PUM1: variants seen among roughly 807,000 people sequenced by gnomAD.
The protein encoded by PUM1 is pumilio homolog 1.
A neutral mutation model predicts 131.8 loss-of-function variants in PUM1; 13 were observed. The ratio of observed to expected loss-of-function variants is 0.10; its 90% CI spans 0.06 to 0.16. The LOEUF (loss-of-function observed/expected upper bound fraction) is 0.16, where lower values mean the gene tolerates loss of function less well. PUM1 is among the 10% of genes least tolerant of loss of function. The pLI is 1.00. For missense variants in PUM1, 961 were observed against 1,512.4 expected (o/e 0.64, Z 6.05); for synonymous variants, 509 against 556.5 (o/e 0.91, Z 1.20).
rs1258913362 is a variant in PUM1 at position 30,953,705 on chromosome 1, A to G, written c.2591+9T>C. On this transcript the variant is annotated intron_variant, in intron 15 of 21. Transcript: ENST00000426105. Reference sequence around the variant, plus strand: ...CGGGTACCTTAAAGTGCCAAAGCCAAGTACTCACCTGGACCCATGCTGGTC... The same window carrying G: ...CGGGTACCTTAAAGTGCCAAAGCCAGGTACTCACCTGGACCCATGCTGGTC... 2 of 1,613,860 alleles carry G rather than the reference A, an allele frequency of 1.2e-6. No homozygotes were observed. The highest frequency in any genetic ancestry group is 2.2e-5 in the East Asian group (1 of 44,876).
chr1:30,968,081 A>G lies in PUM1; in HGVS notation c.1645+273T>C, dbSNP rs572824735. ...GCCACTCCATCTATCCCTGATTCTG[A>G]AACAGAAAACAGATAATCCACCAAG... On this transcript the variant is annotated intron_variant, in intron 11 of 21. Transcript: ENST00000426105. 3 of 566,162 alleles carry G rather than the reference A, an allele frequency of 5.3e-6. No individual in the cohort carries two copies. The Admixed American group carries it at 6.2e-5, about 12-fold the overall frequency. 35.1% of individuals were successfully genotyped at this position (566,162 alleles called of 1,614,324 possible). A position where few individuals can be genotyped will look rare whatever the true frequency, so the allele number is the denominator to read the frequency against.
intron 7 of PUM1, 73 bp downstream of exon 7, chr1:30,992,317 C>CT: frequency 6.4e-6 from 10 of 1,552,274 alleles, no homozygotes; most frequent in Non-Finnish European, 8.7e-6. Flanking sequence ...CCCCCATCCC[C>CT]CCATTCTTAA....
Position 31,059,375 on chromosome 1 carries a change from A to T in PUM1, c.192T>A (p.Pro64=), listed in dbSNP as rs1201924735. 6.2e-7 allele frequency: 1 copy of T among 1,614,142 alleles called. No homozygotes were observed. Among genetic ancestry groups the T allele is most frequent in the Non-Finnish European group, 8.5e-7 (1 of 1,180,020 alleles). The change falls in exon 2 of 22, where the codon CCT becomes CCA. Residue 64 remains proline, a synonymous_variant. Coordinates refer to ENST00000426105, the MANE Select transcript of PUM1 (RefSeq NM_001020658.2). ...QALAAGTHSS[P]VPGSIGVAGR... is the part of the protein sequence containing the mutation. The stretch of plus-strand genomic sequence containing the variant: ...CTGCAACTCCTATAGATCCTGGGAC[A>T]GGGCTGGAGTGAGTCCCAGCTGCAA...
At chr1:31,015,834 T>G (rs910561858) in intron 3 of PUM1, among the ~76,000 whole-genome samples, 35 of 152,052 alleles carry the variant, frequency 2.3e-4, no homozygotes, top group Middle Eastern at 3.4e-3. Context: ...CCACCATACC[T>G]GGCTAATTTT....
rs777219058 is a variant in PUM1 at position 30,967,280 on chromosome 1, T to C, written c.1676A>G (p.Tyr559Cys). The change falls in exon 12 of 22, where the codon TAT (tyrosine) becomes TGT (cysteine). Residue 559 changes from tyrosine (Y) to cysteine (C), a missense_variant. Physicochemically the swap from Tyr to Cys is radical, Grantham distance 194. Around this residue, in one of 4 missense-constraint regions of PUM1, gnomAD observed 654 missense variants for 923.9 expected, o/e 0.71. Coordinates refer to ENST00000426105, the MANE Select transcript of PUM1 (RefSeq NM_001020658.2). The part of the protein sequence containing the change: ...GYPVLAPAAY[Y>C]DQTGALVVNA... ...CACTACAAGGGCACCAGTTTGGTCA[T>C]AGTAAGCAGCAGGAGCCAACACCGG... is the stretch of plus-strand genomic sequence containing the variant. 5 of 1,613,888 alleles carry C rather than the reference T, an allele frequency of 3.1e-6. No homozygotes were observed. The highest frequency in any genetic ancestry group is 1.3e-5 in the African/African-American group (1 of 74,902).
chr1:31,003,682 T>C (rs1409096962), intron 5 of PUM1, among the ~76,000 whole-genome samples: 2 of 152,092 alleles, frequency 1.3e-5, no homozygotes, highest in Admixed American at 6.5e-5. Flanking sequence ...GTTTGAACCC[T>C]GGAAGTGGAG....
chr1:30,960,307 C>T (rs1193616336), intron 14 of PUM1, among the ~76,000 whole-genome samples: 1 of 152,190 alleles, frequency 6.6e-6, no homozygotes, highest in African/African-American at 2.4e-5. Context: ...GCTTTGTTAA[C>T]TTTCAACAAA....
intron 2 of PUM1, among the ~76,000 whole-genome samples, chr1:31,049,597 T>A (rs1050887870): frequency 1.3e-5 from 2 of 151,484 alleles, no homozygotes; most frequent in Non-Finnish European, 2.9e-5. Flanking sequence ...GGAGAACTGC[T>A]TGAACCCAGG....
At chr1:31,047,502 T>C (rs1643997325) in intron 2 of PUM1, among the ~76,000 whole-genome samples, 1 of 152,252 alleles carries the variant, frequency 6.6e-6, no homozygotes, top group Non-Finnish European at 1.5e-5. Flanking sequence ...AAAGTATTCT[T>C]TCCACACACC....
At chr1:31,027,812 C>T (rs1015099) in intron 3 of PUM1, among the ~76,000 whole-genome samples, 42,638 of 152,004 alleles carry the variant, frequency 0.28, 7,689 homozygotes, top group East Asian at 0.53. Flanking sequence ...GGGGATCAAA[C>T]ATTTGCTGAA....
Position 31,059,374 on chromosome 1 carries a change from C to T in PUM1, c.193G>A (p.Val65Ile). The T allele has an allele frequency of 6.2e-7, 1 of 1,614,154 alleles. No homozygotes were observed. Among genetic ancestry groups the T allele is most frequent in the Middle Eastern group, 1.6e-4 (1 of 6,062 alleles). The change falls in exon 2 of 22, where the codon GTC (valine) becomes ATC (isoleucine). Residue 65 changes from valine to isoleucine, a missense_variant. By Grantham distance (29) the Val-to-Ile change is conservative. Transcript: ENST00000426105. ...ALAAGTHSSP[V>I]PGSIGVAGRS... ...CCTGCAACTCCTATAGATCCTGGGA[C>T]AGGGCTGGAGTGAGTCCCAGCTGCA... is the stretch of plus-strand genomic sequence containing the variant.
intron 2 of PUM1, among the ~76,000 whole-genome samples, chr1:31,038,360 C>T (rs1411885205): frequency 2.0e-5 from 3 of 152,120 alleles, no homozygotes; most frequent in Non-Finnish European, 4.4e-5. Flanking sequence ...GATTTGCTCT[C>T]CCTTTGCGAT....
intron 20 of PUM1, among the ~76,000 whole-genome samples, chr1:30,938,593 GGT>G (rs925646259): frequency 3.5e-4 from 53 of 152,184 alleles, no homozygotes; most frequent in East Asian, 9.7e-4. Flanking sequence ...AGCCGGGCAC[GGT>G]GGCTGACACC....
At chr1:30,939,684 A>C (rs1639363686) in intron 20 of PUM1, among the ~76,000 whole-genome samples, 2 of 152,012 alleles carry the variant, frequency 1.3e-5, no homozygotes, top group Admixed American at 1.3e-4. Flanking sequence ...CTGGGCCCAC[A>C]GTAGCTACTC....
intron 2 of PUM1, among the ~76,000 whole-genome samples, chr1:31,049,978 C>T (rs980267295): frequency 6.6e-6 from 1 of 151,374 alleles, no homozygotes; most frequent in Admixed American, 6.6e-5. Context: ...CACAGGCACC[C>T]GCCAACACAC....
chr1:31,049,525 A>AT (rs1257470266), intron 2 of PUM1, among the ~76,000 whole-genome samples: 1 of 151,730 alleles, frequency 6.6e-6, no homozygotes, highest in Non-Finnish European at 1.5e-5. Context: ...CAAAAAAAAA[A>AT]AAAAATTAGC....
chr1:31,005,046 C>G (rs1479371392), intron 5 of PUM1, among the ~76,000 whole-genome samples: 1 of 152,206 alleles, frequency 6.6e-6, no homozygotes, highest in African/African-American at 2.4e-5. Context: ...GCCTTCCTGT[C>G]TGTGACCTGG....
At chr1:30,958,095 G>A (rs1243306452) in intron 14 of PUM1, among the ~76,000 whole-genome samples, 1 of 152,164 alleles carries the variant, frequency 6.6e-6, no homozygotes, top group Non-Finnish European at 1.5e-5. Flanking sequence ...ACTGCTTACT[G>A]GCCAGTAACT....
chr1:31,004,114 A>G (rs1047494908), intron 5 of PUM1, among the ~76,000 whole-genome samples: 2 of 152,304 alleles, frequency 1.3e-5, no homozygotes, highest in African/African-American at 4.8e-5. Context: ...TCTTTTGTAA[A>G]AGAGGTAAAT....
Sources: allele counts gnomAD v4.1 joint callset (sites outside exome capture counted in the v4.1 genomes callset), GRCh38; gene constraint gnomAD v4.1.1; regional missense constraint gnomAD v4.1.1; transcripts MANE v1.5; gene names NCBI Gene and HGNC (gene_info 2026-07-23, HGNC 2026-07-21).